The following ADCK1 variants were observed in gnomAD, a reference collection of about 807,000 sequenced individuals.
ADCK1 encodes aarF domain containing kinase 1.
ADCK1 carries 41 observed loss-of-function variants against 52.3 expected under a neutral mutation model. The observed-to-expected ratio is 0.78, with a 90% CI of 0.61 to 1.02. ADCK1 has a LOEUF of 1.02. Ranked by LOEUF, ADCK1 falls within the 50% of genes least tolerant of loss-of-function variation. The probability of loss-of-function intolerance (pLI) is 0.00; values close to 1 mark genes in which losing one functional copy is unlikely to be tolerated. For synonymous variants in ADCK1, 250 were observed against 274.6 expected, an observed-to-expected ratio of 0.91 and a Z score of 0.89; for missense variants, 658 against 679.5, an observed-to-expected ratio of 0.97 and a Z score of 0.35.
chr14:77,924,310 TCAAA>T lies in ADCK1; in HGVS notation c.859-143_859-140del. ...TCTTAAACTCAAAGAGTATGTCATC[TCAAA>T]CAATCACTCCCACCACAACCGCTCC... is the stretch of plus-strand genomic sequence containing the variant. On this transcript the variant is annotated intron_variant, in intron 7 of 10. Coordinates refer to ENST00000238561, the MANE Select transcript of ADCK1 (RefSeq NM_020421.4). 7 of 988,042 alleles carry T rather than the reference TCAAA, an allele frequency of 7.1e-6. No individual in the cohort carries two copies. In the South Asian group the frequency reaches 1.0e-4, roughly 14 times the overall value. 61.2% of individuals were successfully genotyped at this position (988,042 alleles called of 1,614,324 possible).
intron 1 of ADCK1, among the ~76,000 whole-genome samples, chr14:77,816,566 G>A (rs572441247): frequency 3.3e-5 from 5 of 152,288 alleles, no homozygotes; most frequent in Admixed American, 1.3e-4. Flanking sequence ...AGTGTGGTGC[G>A]CCTAGGGAAG....
intron 3 of ADCK1, among the ~76,000 whole-genome samples, chr14:77,842,487 C>G (rs1378446744): frequency 6.9e-6 from 1 of 144,138 alleles, no homozygotes. Context: ...TTCCTTCCTT[C>G]CTTCCTTCCT....
intron 3 of ADCK1, among the ~76,000 whole-genome samples, chr14:77,824,008 C>T (rs1312493971): frequency 6.6e-6 from 1 of 152,106 alleles, no homozygotes; most frequent in Non-Finnish European, 1.5e-5. Context: ...AAGTGCTTCT[C>T]CTGCCTCAGC....
chr14:77,800,789 G>A (rs1171577618), intron 1 of ADCK1, among the ~76,000 whole-genome samples: 1 of 152,208 alleles, frequency 6.6e-6, no homozygotes, highest in Non-Finnish European at 1.5e-5. Context: ...AGGGTTAAGT[G>A]GCATTTACTT....
At chr14:77,902,721 G>A (rs557660524) in intron 6 of ADCK1, 5 of 152,314 alleles carry the variant, frequency 3.3e-5, no homozygotes, top group African/African-American at 4.8e-5. Context: ...GAGGAAGTAC[G>A]TAATTCTACC....
intron 6 of ADCK1, 115 bp downstream of exon 6, chr14:77,899,373 G>T: frequency 7.3e-7 from 1 of 1,373,858 alleles, no homozygotes; most frequent in South Asian, 1.4e-5. Context: ...TTCTTCCTGA[G>T]TCCTCTTACT....
chr14:77,922,478 T>C (rs1467690986), intron 7 of ADCK1, among the ~76,000 whole-genome samples: 2 of 152,170 alleles, frequency 1.3e-5, no homozygotes, highest in African/African-American at 4.8e-5. Context: ...TTATGAGGAA[T>C]CGGGGGCGCT....
Position 77,899,173 on chromosome 14 carries a change from A to G in ADCK1, c.656A>G (p.Asn219Ser). 1 of 1,614,124 alleles carries G rather than the reference A, an allele frequency of 6.2e-7. No homozygotes were observed. Among genetic ancestry groups the G allele is most frequent in the Non-Finnish European group, 8.5e-7 (1 of 1,180,030 alleles). Reference protein sequence around the residue: ...FMWLVDEAKKNLPLELDFLNE... With the variant: ...FMWLVDEAKKSLPLELDFLNE... ...TGGCTTGTGGATGAAGCCAAGAAGA[A>G]CCTGCCTTTGGAGCTGGATTTCCTC... Residue 219 changes from asparagine to serine, a missense_variant, in exon 6 of 11, where the codon AAC (asparagine) becomes AGC (serine). Transcript: ENST00000238561.
intron 3 of ADCK1, among the ~76,000 whole-genome samples, chr14:77,853,224 A>G (rs771922458): frequency 6.6e-6 from 1 of 151,700 alleles, no homozygotes; most frequent in Non-Finnish European, 1.5e-5. Context: ...GTCTCAAGCA[A>G]TTGTCCTGCC....
At chr14:77,823,376 T>C (rs984300956) in intron 3 of ADCK1, among the ~76,000 whole-genome samples, 3 of 152,164 alleles carry the variant, frequency 2.0e-5, no homozygotes, top group African/African-American at 7.2e-5. Flanking sequence ...CTGTGATGCT[T>C]TTCTTCTCAG....
intron 3 of ADCK1, among the ~76,000 whole-genome samples, chr14:77,856,254 A>G (rs1488706521): frequency 3.9e-5 from 6 of 152,164 alleles, no homozygotes; most frequent in African/African-American, 1.4e-4. Context: ...TATATAGAAG[A>G]AAAAAATACT....
intron 4 of ADCK1, among the ~76,000 whole-genome samples, chr14:77,860,712 C>T (rs1369318329): frequency 6.6e-6 from 1 of 152,194 alleles, no homozygotes; most frequent in Non-Finnish European, 1.5e-5. Flanking sequence ...GCAGAGGGGA[C>T]TGAATTGGCA....
chr14:77,817,878 G>A lies in ADCK1; in HGVS notation c.-11-1090G>A, dbSNP rs938767493. On this transcript the variant is annotated intron_variant, in intron 1 of 10. Transcript: ENST00000238561. ...AGCCTCCCGAGTAGCTGGGACTACA[G>A]GCGCCCGCCACCACGCCTGGCTAAT... Among the ~76,000 whole-genome samples the A allele has an allele frequency of 6.0e-5, 9 of 150,818 alleles. No individual in the cohort carries two copies. In the Admixed American group the frequency reaches 6.0e-4, roughly 10 times the overall value.
At position 77,924,537 on chromosome 14, in the gene ADCK1, T is replaced by G; in HGVS notation, c.939T>G (p.Asn313Lys). The change falls in exon 8 of 11, where the codon AAT becomes AAG. Residue 313 changes from asparagine to lysine, a missense_variant. Coordinates refer to ENST00000238561, the MANE Select transcript of ADCK1 (RefSeq NM_020421.4). ...GFVHCDPHPG[N>K]VLVRKHPGTG... The stretch of plus-strand genomic sequence containing the variant: ...TGCACTGCGATCCCCACCCCGGCAA[T>G]GTACTGGTGCGGAAGCACCCCGGCA... The G allele has an allele frequency of 6.2e-7, 1 of 1,613,926 alleles. No individual in the cohort carries two copies. The highest frequency in any genetic ancestry group is 8.5e-7 in the Non-Finnish European group (1 of 1,180,002).
chr14:77,934,863 A>G lies in ADCK1; in HGVS notation c.*1472A>G, dbSNP rs2084415844. ...AATCCTTTTATTTCCCAAAAGAATTAATTGTTCTTAGTGACCAGTTGGATG... is the reference window on the plus strand; with the variant it reads ...AATCCTTTTATTTCCCAAAAGAATTGATTGTTCTTAGTGACCAGTTGGATG... On this transcript the variant is annotated 3_prime_UTR_variant, in exon 11 of 11. Coordinates refer to ENST00000238561, the MANE Select transcript of ADCK1 (RefSeq NM_020421.4). The G allele has an allele frequency of 6.6e-6, 1 of 152,220 alleles. No individual in the cohort carries two copies. 9.4% of individuals were successfully genotyped at this position (152,220 alleles called of 1,614,324 possible).
At chr14:77,850,019 A>G (rs904708490) in intron 3 of ADCK1, among the ~76,000 whole-genome samples, 3 of 152,050 alleles carry the variant, frequency 2.0e-5, no homozygotes, top group Non-Finnish European at 4.4e-5. Context: ...AGCCTGGGCA[A>G]CATAGTGAGA....
intron 7 of ADCK1, among the ~76,000 whole-genome samples, chr14:77,915,916 C>T (rs924478933): frequency 6.6e-6 from 1 of 152,158 alleles, no homozygotes; most frequent in Non-Finnish European, 1.5e-5. Flanking sequence ...CCCACTGGAT[C>T]GTTTGATGAC....
intron 9 of ADCK1, among the ~76,000 whole-genome samples, chr14:77,928,688 C>A (rs1425290706): frequency 6.6e-6 from 1 of 152,116 alleles, no homozygotes; most frequent in Non-Finnish European, 1.5e-5. Context: ...TCTCGATCTC[C>A]TGACCTTGTG....
At chr14:77,837,004 G>A (rs998661445) in intron 3 of ADCK1, among the ~76,000 whole-genome samples, 1 of 151,850 alleles carries the variant, frequency 6.6e-6, no homozygotes, top group African/African-American at 2.4e-5. Flanking sequence ...TGGTCAGGCT[G>A]GTCTCGAACT....
Sources: gnomAD v4.1 joint callset for allele counts (sites outside exome capture counted in the v4.1 genomes callset) on GRCh38, gnomAD v4.1.1 for gene constraint, MANE v1.5 for transcripts, NCBI Gene and HGNC (gene_info 2026-07-23, HGNC 2026-07-21) for gene names.